The following EYS variants were observed in gnomAD, a reference collection of about 807,000 sequenced individuals.
EYS encodes the protein protein eyes shut homolog.
EYS carries 250 observed loss-of-function variants against 282.1 expected under a neutral mutation model. That is an observed-to-expected ratio of 0.89 (90% confidence interval 0.80 to 0.98). The LOEUF (loss-of-function observed/expected upper bound fraction) is 0.98, where lower values mean the gene tolerates loss of function less well. EYS is among the 50% of genes least tolerant of loss of function. The pLI, the probability that EYS is intolerant of heterozygous loss-of-function variation, is 0.00. For missense variants in EYS, 4,016 were observed against 3,709.0 expected (o/e 1.08, Z -2.15); for synonymous variants, 1,355 against 1,282.9 (o/e 1.06, Z -1.20).
intron 22 of EYS, among the ~76,000 whole-genome samples, chr6:64,663,304 A>G (rs9363077): frequency 0.59 from 90,404 of 151,966 alleles, 27,081 homozygotes; most frequent in South Asian, 0.66. Flanking sequence ...TTAAGTCTCA[A>G]GAAAGTCTGA....
chr6:65,506,460 C>CTTTTTTTTTTTTTTTTTTTTTT lies in EYS; in HGVS notation c.-332-10489_-332-10468dup, dbSNP rs58326040. Among the ~76,000 whole-genome samples, 13 of 64,858 alleles carry CTTTTTTTTTTTTTTTTTTTTTT rather than the reference C, an allele frequency of 2.0e-4. 1 individual carries two copies. The highest frequency in any genetic ancestry group is 2.5e-4 in the Non-Finnish European group (9 of 35,804). 42.5% of individuals were successfully genotyped at this position (64,858 alleles called of 152,430 possible). Reference sequence around the variant, plus strand: ...GGTTTACAATATCCTTCCTTCCTTTCTTTTTTTTTTTTTTTTTTTTTTTTT... The same window carrying CTTTTTTTTTTTTTTTTTTTTTT: ...GGTTTACAATATCCTTCCTTCCTTTCTTTTTTTTTTTTTTTTTTTTTTTTTTTTTTTTTTTTTTTTTTTTTTT... On this transcript the variant is annotated intron_variant, in intron 2 of 42. Coordinates refer to ENST00000503581, the MANE Select transcript of EYS (RefSeq NM_001142800.2).
intron 29 of EYS, among the ~76,000 whole-genome samples, chr6:64,327,398 A>G (rs1770467810): frequency 6.6e-6 from 1 of 152,122 alleles, no homozygotes; most frequent in African/African-American, 2.4e-5. Flanking sequence ...AAATTTTAAG[A>G]AAGGTTTTAA....
At chr6:63,883,718 G>T (rs935108468) in intron 35 of EYS, among the ~76,000 whole-genome samples, 3 of 152,136 alleles carry the variant, frequency 2.0e-5, no homozygotes, top group African/African-American at 7.2e-5. Context: ...CTCTGCTTTT[G>T]GGGGAATTCG....
intron 5 of EYS, among the ~76,000 whole-genome samples, chr6:65,445,426 T>A (rs1256869674): frequency 6.8e-6 from 1 of 147,756 alleles, no homozygotes; most frequent in Non-Finnish European, 1.5e-5. Flanking sequence ...ATATTTTGAA[T>A]AAAATTTTAC....
At position 64,593,406 on chromosome 6, in the gene EYS, G is replaced by T. The variant is rs1186239752; in HGVS notation, c.3685-97C>A. On this transcript the variant is annotated intron_variant, in intron 24 of 42. Coordinates refer to ENST00000503581, the MANE Select transcript of EYS (RefSeq NM_001142800.2). ...TTTGAGATCCATTTGCATTTCCATA[G>T]ACATATTGGATAGCTCAAATAAAAT... 8.4e-6 allele frequency: 7 copies of T among 836,432 alleles called. No individual in the cohort carries two copies. In the African/African-American group the frequency reaches 1.1e-4, roughly 13 times the overall value. The allele number at this position is 836,432 out of a possible 1,614,324, so 51.8% of individuals were successfully genotyped here.
intron 12 of EYS, among the ~76,000 whole-genome samples, chr6:65,186,756 G>C (rs1248305315): frequency 6.6e-6 from 1 of 151,690 alleles, no homozygotes; most frequent in Non-Finnish European, 1.5e-5. Context: ...GGTGGCAAGT[G>C]TAAAAAGTCA....
chr6:64,077,999 C>T (rs1331697520), intron 32 of EYS, among the ~76,000 whole-genome samples: 4 of 151,928 alleles, frequency 2.6e-5, no homozygotes, highest in South Asian at 2.1e-4. Context: ...ACCGTAACCC[C>T]GTAAGGATTC....
intron 31 of EYS, among the ~76,000 whole-genome samples, chr6:64,195,127 T>C (rs1765243038): frequency 6.6e-6 from 1 of 152,228 alleles, no homozygotes; most frequent in African/African-American, 2.4e-5. Flanking sequence ...TCTTTAAGCA[T>C]CACTGTTTTT....
chr6:63,727,453 T>TA (rs888889158), intron 41 of EYS, among the ~76,000 whole-genome samples: 119 of 151,686 alleles, frequency 7.8e-4, no homozygotes, highest in African/African-American at 2.6e-3. Context: ...TGATTTTTTT[T>TA]AAAAAACTGT....
intron 40 of EYS, among the ~76,000 whole-genome samples, chr6:63,767,774 C>G (rs1419946010): frequency 6.6e-6 from 1 of 152,024 alleles, no homozygotes; most frequent in Non-Finnish European, 1.5e-5. Flanking sequence ...TGAAATGATC[C>G]TAAGCAAAAA....
intron 12 of EYS, among the ~76,000 whole-genome samples, chr6:65,115,940 A>ATGTC (rs56699664): frequency 8.5e-6 from 1 of 117,508 alleles, no homozygotes; most frequent in African/African-American, 3.7e-5. Context: ...TGAAATAACT[A>ATGTC]TGTCTGTCTG....
intron 14 of EYS, among the ~76,000 whole-genome samples, chr6:64,956,611 A>G (rs951238266): frequency 1.5e-5 from 2 of 129,766 alleles, no homozygotes; most frequent in African/African-American, 6.7e-5. Flanking sequence ...AAGCTCCTGC[A>G]CAGCAAGGGA....
At chr6:64,495,521 C>G (rs889071584) in intron 26 of EYS, among the ~76,000 whole-genome samples, 1 of 151,650 alleles carries the variant, frequency 6.6e-6, no homozygotes, top group African/African-American at 2.4e-5. Flanking sequence ...ATGAGTGAGA[C>G]CAATAGAAAA....
chr6:64,204,738 A>C (rs1409173983), intron 31 of EYS, among the ~76,000 whole-genome samples: 1 of 152,160 alleles, frequency 6.6e-6, no homozygotes, highest in Non-Finnish European at 1.5e-5. Context: ...AGTTTCTGGA[A>C]TCATGTTTTA....
At chr6:64,595,400 C>G (rs1423052585) in intron 24 of EYS, among the ~76,000 whole-genome samples, 1 of 152,076 alleles carries the variant, frequency 6.6e-6, no homozygotes, top group Admixed American at 6.6e-5. Context: ...CCACTTTCAC[C>G]ATTGTTATTC....
At chr6:64,688,865 T>C (rs1399119551) in intron 22 of EYS, among the ~76,000 whole-genome samples, 1 of 152,128 alleles carries the variant, frequency 6.6e-6, no homozygotes, top group Middle Eastern at 3.4e-3. Context: ...GCCAATATCA[T>C]ACTGAATGGA....
chr6:64,214,101 A>T (rs1765860686), intron 31 of EYS, among the ~76,000 whole-genome samples: 1 of 152,142 alleles, frequency 6.6e-6, no homozygotes, highest in Non-Finnish European at 1.5e-5. Flanking sequence ...TTAAGTTTTA[A>T]CCTAGAAAGG....
At chr6:65,243,318 T>C (rs1327113221) in intron 12 of EYS, among the ~76,000 whole-genome samples, 2 of 152,212 alleles carry the variant, frequency 1.3e-5, no homozygotes, top group African/African-American at 4.8e-5. Context: ...ATACAAGATA[T>C]GGCTACACTA....
At chr6:65,698,528 A>G (rs9354278) in intron 1 of EYS, among the ~76,000 whole-genome samples, 7,744 of 152,238 alleles carry the variant, frequency 0.051, 452 homozygotes, top group East Asian at 0.33. Context: ...ATGCTAAAAA[A>G]ATGAAGAATG....
Sources: gnomAD v4.1 joint callset for allele counts (sites outside exome capture counted in the v4.1 genomes callset) on GRCh38, gnomAD v4.1.1 for gene constraint, MANE v1.5 for transcripts, NCBI Gene and HGNC (gene_info 2026-07-23, HGNC 2026-07-21) for gene names.